STOX1: variants seen among roughly 807,000 people sequenced by gnomAD.
The protein encoded by STOX1 is storkhead box 1, also known as storkhead-box protein 1.
Under a neutral mutation model 74.8 loss-of-function variants are expected in STOX1, and 57 were observed. That is an observed-to-expected ratio of 0.76 (90% CI 0.62 to 0.95). The LOEUF (loss-of-function observed/expected upper bound fraction) is 0.95. Among genes scored for constraint, STOX1 ranks in the 40% least tolerant of loss-of-function variants. STOX1 has a pLI of 0.00. For synonymous variants in STOX1, 375 were observed against 401.3 expected (o/e 0.93, Z 0.78); for missense variants, 1,010 against 1,117.0 (o/e 0.90, Z 1.37).
At chr10:68,862,096 T>G (rs1047994089) in intron 1 of STOX1, among the ~76,000 whole-genome samples, 2 of 152,132 alleles carry the variant, frequency 1.3e-5, no homozygotes, top group Non-Finnish European at 2.9e-5. Context: ...TTTTGCCGTT[T>G]AGTTACAAAA....
intron 1 of STOX1, among the ~76,000 whole-genome samples, chr10:68,852,425 A>AT (rs1488456304): frequency 2.0e-5 from 3 of 150,746 alleles, no homozygotes; most frequent in South Asian, 2.1e-4. Context: ...CACCCGGCTA[A>AT]TTTTTTGTAT....
chr10:68,852,583 G>T (rs573549418), intron 1 of STOX1, among the ~76,000 whole-genome samples: 1 of 150,864 alleles, frequency 6.6e-6, no homozygotes, highest in South Asian at 2.1e-4. Context: ...AGATTTTTTT[G>T]TCTTTTTTTT....
chr10:68,869,195 A>T (rs960315061), intron 1 of STOX1, among the ~76,000 whole-genome samples: 2 of 152,204 alleles, frequency 1.3e-5, no homozygotes, highest in Non-Finnish European at 2.9e-5. Flanking sequence ...TGGCCTCATG[A>T]TAGGTTAAGA....
At chr10:68,879,535 C>T (rs1335894365) in intron 1 of STOX1, among the ~76,000 whole-genome samples, 1 of 152,160 alleles carries the variant, frequency 6.6e-6, no homozygotes, top group Non-Finnish European at 1.5e-5. Flanking sequence ...TCTCCCCTCT[C>T]CCAGAATCAT....
intron 1 of STOX1, among the ~76,000 whole-genome samples, chr10:68,865,929 G>C (rs891967298): frequency 5.3e-5 from 8 of 152,012 alleles, no homozygotes; most frequent in African/African-American, 1.9e-4. Context: ...CATTTTAACG[G>C]GATAGGATCT....
At chr10:68,879,523 G>T (rs192593699) in intron 1 of STOX1, among the ~76,000 whole-genome samples, 1 of 152,028 alleles carries the variant, frequency 6.6e-6, no homozygotes, top group African/African-American at 2.4e-5. Flanking sequence ...CTATCTTACT[G>T]ATCTCCCCTC....
intron 1 of STOX1, among the ~76,000 whole-genome samples, chr10:68,874,858 G>A (rs943426535): frequency 6.6e-6 from 1 of 152,166 alleles, no homozygotes; most frequent in African/African-American, 2.4e-5. Context: ...AACCCTCCAA[G>A]GGTGTTGTGA....
intron 1 of STOX1, among the ~76,000 whole-genome samples, chr10:68,865,321 G>T (rs1290410683): frequency 1.3e-5 from 2 of 151,020 alleles, no homozygotes; most frequent in African/African-American, 4.8e-5. Flanking sequence ...TAAGGAGATA[G>T]TAAAGAAACA....
intron 1 of STOX1, among the ~76,000 whole-genome samples, chr10:68,863,254 T>A (rs1436974008): frequency 6.6e-6 from 1 of 152,074 alleles, no homozygotes; most frequent in Admixed American, 6.5e-5. Context: ...AGTAGAATTG[T>A]TCTCTGTGTC....
At chr10:68,865,431 C>T (rs1031467775) in intron 1 of STOX1, among the ~76,000 whole-genome samples, 5 of 152,166 alleles carry the variant, frequency 3.3e-5, no homozygotes, top group Admixed American at 6.5e-5. Flanking sequence ...GTGTGGATCA[C>T]GAGGTCAGGA....
At position 68,884,306 on chromosome 10, in the gene STOX1, G is replaced by T. The variant is rs373698908; in HGVS notation, c.510G>T (p.Thr170=). The T allele has an allele frequency of 5.6e-6, 9 of 1,613,990 alleles. No individual in the cohort carries two copies. Among genetic ancestry groups the T allele is most frequent in the African/African-American group, 1.3e-5 (1 of 74,916 alleles). ...ATATTCTTTATACCACTCTGGGAACGCTGATTAAAGAAAGGAAGATTTATC... is the reference window on the plus strand; with the variant it reads ...ATATTCTTTATACCACTCTGGGAACTCTGATTAAAGAAAGGAAGATTTATC... The part of the protein sequence containing the change: ...SEDILYTTLG[T]LIKERKIYHT... The change falls in exon 3 of 4, where the codon ACG becomes ACT. Residue 170 remains threonine (T), a synonymous_variant. Coordinates refer to ENST00000298596, the MANE Select transcript of STOX1 (RefSeq NM_152709.5).
chr10:68,880,140 T>C (rs1026303552), intron 1 of STOX1, among the ~76,000 whole-genome samples: 2 of 151,438 alleles, frequency 1.3e-5, no homozygotes, highest in East Asian at 1.9e-4. Context: ...TCTTCTTTTC[T>C]ACTGAAATAG....
Position 68,870,132 on chromosome 10 carries a change from T to C in STOX1, c.311-11826T>C, listed in dbSNP as rs7079802. Among the ~76,000 whole-genome samples, 791 of 152,354 alleles carry C rather than the reference T, an allele frequency of 5.2e-3. 5 individuals are homozygous for C. Among genetic ancestry groups the C allele is most frequent in the African/African-American group, 0.018 (743 of 41,582 alleles). On this transcript the variant is annotated intron_variant, in intron 1 of 3. Coordinates refer to ENST00000298596, the MANE Select transcript of STOX1 (RefSeq NM_152709.5). ...AAACAACCACCTTTGTGCTGGACTT[T>C]TAAATTTTTATTTATTTTATTTTTT...
chr10:68,848,663 T>C (rs980909375), intron 1 of STOX1, among the ~76,000 whole-genome samples: 2 of 152,046 alleles, frequency 1.3e-5, no homozygotes, highest in Non-Finnish European at 2.9e-5. Flanking sequence ...GTGAGCAGTT[T>C]GTTTGTTTTG....
chr10:68,862,976 T>C (rs1370252076), intron 1 of STOX1, among the ~76,000 whole-genome samples: 2 of 152,116 alleles, frequency 1.3e-5, no homozygotes, highest in African/African-American at 4.8e-5. Flanking sequence ...CATGAGTAAC[T>C]GTGCCATAGA....
rs542321548 is a variant in STOX1 at position 68,845,705 on chromosome 10, G to A, written c.310+17772G>A. On this transcript the variant is annotated intron_variant, in intron 1 of 3. Coordinates refer to ENST00000298596, the MANE Select transcript of STOX1 (RefSeq NM_152709.5). ...CAACCTCCACCTCCTGGGTTCAAGC[G>A]ATTCTTCTGTCTCAGCCTCCCGAGT... Among the ~76,000 whole-genome samples, 1,152 of 150,688 alleles carry A rather than the reference G, an allele frequency of 7.6e-3. 14 individuals are homozygous for A. The highest frequency in any genetic ancestry group is 0.027 in the African/African-American group (1,107 of 41,040).
chr10:68,834,601 A>G (rs182128871), intron 1 of STOX1, among the ~76,000 whole-genome samples: 1 of 152,378 alleles, frequency 6.6e-6, no homozygotes, highest in Admixed American at 6.5e-5. Context: ...TCAAATGCAT[A>G]CATGTGGTAA....
At chr10:68,875,333 G>A (rs559946660) in intron 1 of STOX1, among the ~76,000 whole-genome samples, 6 of 152,302 alleles carry the variant, frequency 3.9e-5, no homozygotes, top group Non-Finnish European at 2.9e-5. Context: ...TCTGTAACTG[G>A]AAGATTTTAG....
intron 1 of STOX1, chr10:68,828,408 C>A: frequency 1.6e-6 from 1 of 626,356 alleles, no homozygotes; most frequent in Non-Finnish European, 2.1e-6. Flanking sequence ...TGCGGTTGGG[C>A]GGCCGGTCCG....
Sources: gnomAD v4.1 joint callset for allele counts (sites outside exome capture counted in the v4.1 genomes callset) on GRCh38, gnomAD v4.1.1 for gene constraint, MANE v1.5 for transcripts, NCBI Gene and HGNC (gene_info 2026-07-23, HGNC 2026-07-21) for gene names.